Variants in RBFOX1 observed in about 807,000 individuals in gnomAD.
RBFOX1 encodes the protein RNA binding protein fox-1 homolog 1.
In RBFOX1, 8 loss-of-function variants were observed where a neutral mutation model predicts 57.7. That is an observed-to-expected ratio of 0.14 (90% confidence interval 0.08 to 0.25). The LOEUF is 0.25. RBFOX1 is among the 10% of genes least tolerant of loss of function. The pLI is 1.00. For synonymous variants in RBFOX1, 326 were observed against 222.4 expected, an observed-to-expected ratio of 1.47 and a Z score of -4.15; for missense variants, 611 against 548.5, an observed-to-expected ratio of 1.11 and a Z score of -1.14.
At chr16:6,408,953 C>T (rs1458861017) in intron 2 of RBFOX1, among the ~76,000 whole-genome samples, 1 of 152,164 alleles carries the variant, frequency 6.6e-6, no homozygotes, top group African/African-American at 2.4e-5. Context: ...CGTTTTACCA[C>T]CCCTTCTGTG....
chr16:5,865,694 G>C (rs2057329005), intron 3 of RBFOX1, among the ~76,000 whole-genome samples: 1 of 152,172 alleles, frequency 6.6e-6, no homozygotes, highest in African/African-American at 2.4e-5. Flanking sequence ...TTGTGAGCTG[G>C]TATTGGTCTG....
chr16:6,139,539 A>G (rs879483369), intron 1 of RBFOX1, among the ~76,000 whole-genome samples: 6 of 152,148 alleles, frequency 3.9e-5, no homozygotes, highest in Non-Finnish European at 7.4e-5. Flanking sequence ...CCAAGAGCCC[A>G]CTGGTCTCAG....
intron 2 of RBFOX1, among the ~76,000 whole-genome samples, chr16:6,381,931 C>G (rs1567161671): frequency 6.6e-6 from 1 of 152,192 alleles, no homozygotes; most frequent in South Asian, 2.1e-4. Context: ...CCATGTCCGG[C>G]TGGTCGATCA....
At chr16:7,130,212 T>G (rs562578476) in intron 4 of RBFOX1, among the ~76,000 whole-genome samples, 1 of 152,122 alleles carries the variant, frequency 6.6e-6, no homozygotes, top group East Asian at 1.9e-4. Flanking sequence ...TTTTGTATTT[T>G]TGGTAGAGGT....
chr16:6,198,544 C>T (rs1001882790), intron 1 of RBFOX1, among the ~76,000 whole-genome samples: 1 of 152,104 alleles, frequency 6.6e-6, no homozygotes, highest in African/African-American at 2.4e-5. Flanking sequence ...TGTCAGTAAC[C>T]TCTGTGGGAC....
chr16:5,367,145 T>C (rs62017729), intron 1 of RBFOX1, among the ~76,000 whole-genome samples: 4,784 of 152,348 alleles, frequency 0.031, 108 homozygotes, highest in Middle Eastern at 0.078. Context: ...AGACAAATGA[T>C]TTTGTGTATA....
intron 2 of RBFOX1, among the ~76,000 whole-genome samples, chr16:6,503,021 G>T (rs998094796): frequency 6.6e-6 from 1 of 152,066 alleles, no homozygotes; most frequent in African/African-American, 2.4e-5. Context: ...ATGGGGAAAA[G>T]GATGGTAAAA....
chr16:5,821,580 G>T (rs1251239854), intron 3 of RBFOX1, among the ~76,000 whole-genome samples: 1 of 152,126 alleles, frequency 6.6e-6, no homozygotes, highest in East Asian at 1.9e-4. Flanking sequence ...TGGGATTATA[G>T]GCATGACCTA....
intron 4 of RBFOX1, among the ~76,000 whole-genome samples, chr16:7,081,385 A>G (rs1333393362): frequency 6.6e-6 from 1 of 152,118 alleles, no homozygotes; most frequent in Non-Finnish European, 1.5e-5. Context: ...TCATTCTACT[A>G]AACCTGTTTG....
intron 3 of RBFOX1, among the ~76,000 whole-genome samples, chr16:5,627,187 C>T (rs2048371762): frequency 6.6e-6 from 1 of 152,146 alleles, no homozygotes; most frequent in African/African-American, 2.4e-5. Context: ...CTTCATGGCT[C>T]TGTAATTTTA....
At chr16:5,991,956 A>T (rs891440541) in intron 4 of RBFOX1, among the ~76,000 whole-genome samples, 4 of 152,206 alleles carry the variant, frequency 2.6e-5, no homozygotes, top group Non-Finnish European at 5.9e-5. Flanking sequence ...GTTAACTGGA[A>T]TTGCTATGCA....
At chr16:5,526,108 C>G (rs1330591320) in intron 2 of RBFOX1, among the ~76,000 whole-genome samples, 1 of 152,080 alleles carries the variant, frequency 6.6e-6, no homozygotes, top group Admixed American at 6.6e-5. Context: ...TTTATTTTCT[C>G]AGCCTCCTTG....
chr16:5,744,555 G>T (rs1333768810), intron 3 of RBFOX1, among the ~76,000 whole-genome samples: 1 of 152,114 alleles, frequency 6.6e-6, no homozygotes, highest in Non-Finnish European at 1.5e-5. Context: ...CTTGAAATTG[G>T]AGTATTTACA....
chr16:5,620,537 G>A (rs1330154614), intron 3 of RBFOX1, among the ~76,000 whole-genome samples: 1 of 152,150 alleles, frequency 6.6e-6, no homozygotes, highest in Non-Finnish European at 1.5e-5. Context: ...GGTTTCTTCT[G>A]AGACCTGTCT....
At chr16:5,819,543 G>A (rs75278662) in intron 3 of RBFOX1, among the ~76,000 whole-genome samples, 8,579 of 152,216 alleles carry the variant, frequency 0.056, 274 homozygotes, top group African/African-American at 0.09. Context: ...AGTGCAAACT[G>A]TATTTTGGAA....
chr16:6,394,270 G>A (rs1285200873), intron 2 of RBFOX1, among the ~76,000 whole-genome samples: 1 of 152,192 alleles, frequency 6.6e-6, no homozygotes, highest in Non-Finnish European at 1.5e-5. Context: ...AAGGGATAAT[G>A]CTGATCGAGG....
intron 3 of RBFOX1, among the ~76,000 whole-genome samples, chr16:5,750,810 T>C (rs1458975874): frequency 6.6e-6 from 1 of 152,224 alleles, no homozygotes; most frequent in Non-Finnish European, 1.5e-5. Flanking sequence ...ACCTTGCACT[T>C]CCCAGGTTAG....
intron 2 of RBFOX1, among the ~76,000 whole-genome samples, chr16:5,503,639 T>G (rs758751190): frequency 6.6e-6 from 1 of 152,128 alleles, no homozygotes; most frequent in Non-Finnish European, 1.5e-5. Context: ...AGATGAGGTT[T>G]CCCCATGTTG....
At chr16:5,972,611 G>A (rs1014335289) in intron 4 of RBFOX1, among the ~76,000 whole-genome samples, 3 of 152,196 alleles carry the variant, frequency 2.0e-5, no homozygotes, top group Admixed American at 6.5e-5. Context: ...AATTGGTTGC[G>A]GGCAATCAGG....
Sources: gnomAD v4.1 joint callset for allele counts (sites outside exome capture counted in the v4.1 genomes callset) on GRCh38, gnomAD v4.1.1 for gene constraint, MANE v1.5 for transcripts, NCBI Gene and HGNC (gene_info 2026-07-23, HGNC 2026-07-21) for gene names.